Variants in CEP112 observed in about 807,000 individuals in gnomAD.
CEP112 encodes centrosomal protein 112, also known as centrosomal protein of 112 kDa.
Under a neutral mutation model 153.0 loss-of-function variants are expected in CEP112, and 127 were observed. The observed-to-expected ratio is 0.83, with a 90% CI of 0.72 to 0.96. The LOEUF is 0.96. Among genes scored for constraint, CEP112 ranks in the 40% least tolerant of loss-of-function variants. The pLI is 0.00. For synonymous variants in CEP112, 358 were observed against 374.4 expected, an observed-to-expected ratio of 0.96 and a Z score of 0.51; for missense variants, 1,089 against 1,101.2, an observed-to-expected ratio of 0.99 and a Z score of 0.16.
At chr17:66,097,255 G>A (rs1201441679) in intron 6 of CEP112, among the ~76,000 whole-genome samples, 1 of 151,844 alleles carries the variant, frequency 6.6e-6, no homozygotes, top group African/African-American at 2.4e-5. Flanking sequence ...TTTGCAACCT[G>A]TAAGATCATT....
chr17:66,037,195 A>T (rs2065774879), intron 12 of CEP112, among the ~76,000 whole-genome samples: 1 of 152,228 alleles, frequency 6.6e-6, no homozygotes, highest in Non-Finnish European at 1.5e-5. Flanking sequence ...TTATCCAATG[A>T]TTTCTTAAAC....
Position 65,994,018 on chromosome 17 carries a change from GAAA to G in CEP112, c.1736+11669_1736+11671del, listed in dbSNP as rs11306856. On this transcript the variant is annotated intron_variant, in intron 17 of 26. Transcript: ENST00000535342. Reference sequence around the variant, plus strand: ...CCCCTCAATAAACTTCGGTTCATAGGAAAAAAAAAAAAAACTGCATGGAGTCAG... The same window carrying G: ...CCCCTCAATAAACTTCGGTTCATAGGAAAAAAAAAAACTGCATGGAGTCAG... 3.5e-3 allele frequency among the ~76,000 whole-genome samples: 504 copies of G among 145,940 alleles called. 5 individuals carry two copies. The highest frequency in any genetic ancestry group is 1.0e-2 in the South Asian group (46 of 4,614).
chr17:66,028,980 A>G (rs966299769), intron 14 of CEP112, 143 bp downstream of exon 14: 1 of 643,736 alleles, frequency 1.6e-6, no homozygotes, highest in African/African-American at 1.8e-5. Flanking sequence ...TACCAGTAAA[A>G]ATTCCTGAAG....
At chr17:65,644,455 G>T in intron 24 of CEP112, 1 of 398,882 alleles carries the variant, frequency 2.5e-6, no homozygotes, top group South Asian at 2.5e-5. Flanking sequence ...AGTCCTTGAG[G>T]ATTCGGTCTT....
At chr17:65,721,517 A>T (rs901016773) in intron 23 of CEP112, among the ~76,000 whole-genome samples, 2 of 152,214 alleles carry the variant, frequency 1.3e-5, no homozygotes, top group Non-Finnish European at 2.9e-5. Context: ...TCCAAAAATA[A>T]AGAATGCTGC....
intron 4 of CEP112, among the ~76,000 whole-genome samples, chr17:66,142,257 C>T (rs77791690): frequency 0.034 from 5,189 of 152,192 alleles, 132 homozygotes; most frequent in Middle Eastern, 0.061. Context: ...TGAATATTAA[C>T]CTATTATTAC....
chr17:66,125,141 C>CTTTTTTT (rs1385147069), intron 6 of CEP112, among the ~76,000 whole-genome samples: 21 of 152,004 alleles, frequency 1.4e-4, no homozygotes, highest in Non-Finnish European at 2.8e-4. Context: ...TAGATACTTC[C>CTTTTTTT]AGATATTTTT....
chr17:65,877,641 TTGTAACACTA>T (rs760955396), intron 20 of CEP112, among the ~76,000 whole-genome samples: 139 of 152,324 alleles, frequency 9.1e-4, no homozygotes, highest in Non-Finnish European at 1.6e-3. Context: ...ATAAGGTTCT[TTGTAACACTA>T]TGTAACACTA....
intron 12 of CEP112, among the ~76,000 whole-genome samples, chr17:66,044,265 T>C (rs1361340528): frequency 6.6e-6 from 1 of 151,904 alleles, no homozygotes; most frequent in African/African-American, 2.4e-5. Context: ...CAAAGCAATA[T>C]ATTTTACAAA....
At chr17:65,735,622 G>C (rs1240472866) in intron 23 of CEP112, among the ~76,000 whole-genome samples, 1 of 152,134 alleles carries the variant, frequency 6.6e-6, no homozygotes, top group African/African-American at 2.4e-5. Flanking sequence ...GGGACCATCT[G>C]TATATTTTAT....
intron 21 of CEP112, among the ~76,000 whole-genome samples, chr17:65,845,079 G>C (rs1381712562): frequency 2.0e-5 from 3 of 152,136 alleles, no homozygotes; most frequent in African/African-American, 4.8e-5. Context: ...CAGCACTTTG[G>C]GAGGCCAAGG....
At chr17:66,105,708 G>A (rs1339822590) in intron 6 of CEP112, among the ~76,000 whole-genome samples, 1 of 152,040 alleles carries the variant, frequency 6.6e-6, no homozygotes, top group African/African-American at 2.4e-5. Flanking sequence ...GTGGGAGGAT[G>A]GTTTGAATCC....
intron 20 of CEP112, among the ~76,000 whole-genome samples, chr17:65,860,042 C>T (rs1379634673): frequency 1.3e-5 from 2 of 148,774 alleles, no homozygotes; most frequent in Admixed American, 6.7e-5. Flanking sequence ...AAAAACCTAT[C>T]TTTAATCATA....
In CEP112 at chr17:65,640,154, A is replaced by ATATTT. The variant is rs1300751452; in HGVS notation, c.2799+809_2799+810insAAATA. ...CACCCGACCATATATATATATATAT[A>ATATTT]TTTTTTTTTTTTTTTTTTTGAGACA... On this transcript the variant is annotated intron_variant, in intron 25 of 26. Transcript: ENST00000535342. Among the ~76,000 whole-genome samples the ATATTT allele has an allele frequency of 1.1e-3, 84 of 78,338 alleles. 1 individual carries two copies. Among genetic ancestry groups the ATATTT allele is most frequent in the African/African-American group, 4.6e-3 (65 of 14,224 alleles). The allele number at this position is 78,338 out of a possible 152,430, so 51.4% of individuals were successfully genotyped here.
At chr17:65,729,823 G>T (rs2050395591) in intron 23 of CEP112, among the ~76,000 whole-genome samples, 2 of 152,138 alleles carry the variant, frequency 1.3e-5, no homozygotes, top group Admixed American at 1.3e-4. Context: ...TGTGGAGGGA[G>T]GATCGCTTGA....
At chr17:65,679,639 T>C (rs146122667) in intron 24 of CEP112, among the ~76,000 whole-genome samples, 281 of 152,300 alleles carry the variant, frequency 1.8e-3, no homozygotes, top group Admixed American at 3.3e-3. Flanking sequence ...TATTGCACAA[T>C]TGATTTTCTG....
intron 20 of CEP112, among the ~76,000 whole-genome samples, chr17:65,894,714 T>C (rs967387389): frequency 1.3e-5 from 2 of 152,026 alleles, no homozygotes; most frequent in African/African-American, 4.8e-5. Context: ...CCTAAAAACT[T>C]GGTGGATTCT....
chr17:66,015,286 C>T (rs2319113), intron 16 of CEP112, among the ~76,000 whole-genome samples: 62,532 of 151,958 alleles, frequency 0.41, 14,330 homozygotes, highest in East Asian at 0.87. Context: ...TCAAGATTCT[C>T]TTCTGACATT....
At chr17:65,969,464 T>G (rs569051295) in intron 17 of CEP112, among the ~76,000 whole-genome samples, 4 of 152,212 alleles carry the variant, frequency 2.6e-5, no homozygotes, top group Non-Finnish European at 5.9e-5. Flanking sequence ...ATGTATCACA[T>G]GCATGTGTAA....
Sources: gnomAD v4.1 joint callset for allele counts (sites outside exome capture counted in the v4.1 genomes callset) on GRCh38, gnomAD v4.1.1 for gene constraint, MANE v1.5 for transcripts, NCBI Gene and HGNC (gene_info 2026-07-23, HGNC 2026-07-21) for gene names.